Variants in CDH8 observed in about 807,000 individuals in gnomAD.
The protein encoded by CDH8 is cadherin 8.
Under a neutral mutation model 68.1 loss-of-function variants are expected in CDH8, and 17 were observed. The observed-to-expected ratio is 0.25, with a 90% CI of 0.17 to 0.37. CDH8 has a LOEUF of 0.37. Among genes scored for constraint, CDH8 ranks in the 10% least tolerant of loss-of-function variants. CDH8 has a pLI of 1.00. For synonymous variants in CDH8, 372 were observed against 365.1 expected (o/e 1.02, Z -0.21); for missense variants, 763 against 999.3 (o/e 0.76, Z 3.19).
intron 10 of CDH8, among the ~76,000 whole-genome samples, chr16:61,686,419 A>G (rs1331570321): frequency 2.0e-5 from 3 of 151,982 alleles, no homozygotes; most frequent in Admixed American, 1.3e-4. Context: ...TTGAAAATCC[A>G]CTTTCTCATT....
rs1206629963 is a variant in CDH8 at position 61,768,314 on chromosome 16, T to TTCTCTCTCTC, written c.1414+21022_1414+21031dup. ...AGGCTCTCTCTCTGTGTCTCTCCCT[T>TTCTCTCTCTC]TCTCTCTCTCTCTCTCTCTCTCTCT... On this transcript the variant is annotated intron_variant, in intron 8 of 11. Coordinates refer to ENST00000577390, the MANE Select transcript of CDH8 (RefSeq NM_001796.5). 3.5e-4 allele frequency among the ~76,000 whole-genome samples: 6 copies of TTCTCTCTCTC among 17,204 alleles called. 1 individual carries two copies. Among genetic ancestry groups the TTCTCTCTCTC allele is most frequent in the Non-Finnish European group, 4.5e-4 (4 of 8,968 alleles). The allele number at this position is 17,204 out of a possible 152,430, so 11.3% of individuals were successfully genotyped here. A position where few individuals can be genotyped will look rare whatever the true frequency, so the allele number is the denominator to read the frequency against.
intron 4 of CDH8, among the ~76,000 whole-genome samples, chr16:61,832,704 G>T (rs1487823567): frequency 6.6e-6 from 1 of 151,438 alleles, no homozygotes; most frequent in Non-Finnish European, 1.5e-5. Context: ...ATAATAACAA[G>T]AAAAATATTA....
intron 11 of CDH8, among the ~76,000 whole-genome samples, chr16:61,655,063 C>T (rs774066911): frequency 1.8e-4 from 28 of 152,120 alleles, no homozygotes; most frequent in Admixed American, 8.5e-4. Context: ...ATTTGGGATC[C>T]GATGGACTCA....
At chr16:61,724,415 G>A (rs1428029424) in intron 9 of CDH8, among the ~76,000 whole-genome samples, 7 of 150,518 alleles carry the variant, frequency 4.7e-5, no homozygotes, top group Non-Finnish European at 1.0e-4. Context: ...GTTGATACTC[G>A]TTTTCATTTT....
At chr16:61,822,883 C>T (rs1962247666) in intron 5 of CDH8, among the ~76,000 whole-genome samples, 1 of 151,944 alleles carries the variant, frequency 6.6e-6, no homozygotes, top group South Asian at 2.1e-4. Flanking sequence ...TTAACCATTC[C>T]TATTCTGTGC....
intron 8 of CDH8, among the ~76,000 whole-genome samples, chr16:61,741,161 G>A (rs1365650545): frequency 6.6e-6 from 1 of 151,970 alleles, no homozygotes; most frequent in Admixed American, 6.6e-5. Context: ...GATACTTAGG[G>A]CCTTTTCTTA....
At chr16:61,977,718 G>T (rs1965462053) in intron 2 of CDH8, among the ~76,000 whole-genome samples, 2 of 152,118 alleles carry the variant, frequency 1.3e-5, no homozygotes, top group Non-Finnish European at 2.9e-5. Flanking sequence ...GATCACGCCT[G>T]CCCATAGCAT....
intron 7 of CDH8, among the ~76,000 whole-genome samples, chr16:61,798,406 G>A (rs368285359): frequency 6.6e-6 from 1 of 152,076 alleles, no homozygotes; most frequent in African/African-American, 2.4e-5. Flanking sequence ...AACTTTATAT[G>A]GTAGCAGAAA....
intron 10 of CDH8, among the ~76,000 whole-genome samples, chr16:61,682,718 T>C (rs1964037358): frequency 6.6e-6 from 1 of 152,000 alleles, no homozygotes; most frequent in Non-Finnish European, 1.5e-5. Context: ...GAAATGCTTG[T>C]TCTGTCCAAG....
At chr16:61,979,634 T>C (rs1965497727) in intron 2 of CDH8, among the ~76,000 whole-genome samples, 1 of 151,666 alleles carries the variant, frequency 6.6e-6, no homozygotes, top group African/African-American at 2.4e-5. Context: ...TGAGTATGAT[T>C]TTGTTTTAGG....
chr16:61,718,344 T>C (rs754389744), intron 9 of CDH8, among the ~76,000 whole-genome samples: 1 of 151,414 alleles, frequency 6.6e-6, no homozygotes, highest in African/African-American at 2.4e-5. Flanking sequence ...TTGTAACTTT[T>C]GGAATATTTT....
intron 3 of CDH8, among the ~76,000 whole-genome samples, chr16:61,857,759 C>T (rs1216262590): frequency 6.6e-6 from 1 of 151,982 alleles, no homozygotes; most frequent in Non-Finnish European, 1.5e-5. Context: ...CATAATTAGG[C>T]ATAATGGATA....
chr16:61,716,890 C>G (rs1278476081), intron 9 of CDH8, among the ~76,000 whole-genome samples: 4 of 151,628 alleles, frequency 2.6e-5, no homozygotes, highest in Non-Finnish European at 4.4e-5. Flanking sequence ...CTAAAGTTTT[C>G]ATTGATGAAA....
At position 61,652,940 on chromosome 16, in the gene CDH8, C is replaced by G; in HGVS notation, c.*668G>C. The G allele has an allele frequency of 6.5e-7, 1 of 1,527,022 alleles. No homozygotes were observed. Among genetic ancestry groups the G allele is most frequent in the South Asian group, 1.2e-5 (1 of 81,766 alleles). 94.6% of individuals were successfully genotyped at this position (1,527,022 alleles called of 1,614,324 possible). On this transcript the variant is annotated 3_prime_UTR_variant, in exon 12 of 12. Transcript: ENST00000577390. ...TTTGAATGGGATTTCTCTCCTCCCACCACTGAATTGGCAAGCCCCACCCTG... is the reference window on the plus strand; with the variant it reads ...TTTGAATGGGATTTCTCTCCTCCCAGCACTGAATTGGCAAGCCCCACCCTG...
rs1301300928 is a variant in CDH8 at position 61,650,702 on chromosome 16, T to TGAGAGAGAGA, written c.*2905_*2906insTCTCTCTCTC. The TGAGAGAGAGA allele has an allele frequency of 3.3e-5, 3 of 92,254 alleles. No individual in the cohort carries two copies. Among genetic ancestry groups the TGAGAGAGAGA allele is most frequent in the African/African-American group, 1.5e-4 (3 of 19,980 alleles). The allele number at this position is 92,254 out of a possible 1,614,324, so 5.7% of individuals were successfully genotyped here. On this transcript the variant is annotated 3_prime_UTR_variant, in exon 12 of 12. Coordinates refer to ENST00000577390, the MANE Select transcript of CDH8 (RefSeq NM_001796.5). ...GTGTGTGTGTGTGTGTGTGTGTGTGTGTGTGAGAGAGAGAGAGAGAGAGAG... is the reference window on the plus strand; with the variant it reads ...GTGTGTGTGTGTGTGTGTGTGTGTGTGAGAGAGAGAGTGTGAGAGAGAGAGAGAGAGAGAG...
intron 10 of CDH8, among the ~76,000 whole-genome samples, chr16:61,699,097 A>T (rs1308635307): frequency 6.6e-6 from 1 of 152,114 alleles, no homozygotes; most frequent in African/African-American, 2.4e-5. Flanking sequence ...AAGCCCCACC[A>T]ACTTTGCTAT....
intron 4 of CDH8, among the ~76,000 whole-genome samples, chr16:61,837,275 T>A (rs1962588475): frequency 6.6e-6 from 1 of 152,058 alleles, no homozygotes; most frequent in Non-Finnish European, 1.5e-5. Flanking sequence ...TTGCTTATAA[T>A]CACCGGTTCT....
chr16:61,866,946 G>T (rs200953914), intron 3 of CDH8, among the ~76,000 whole-genome samples: 2 of 151,762 alleles, frequency 1.3e-5, no homozygotes, highest in Non-Finnish European at 2.9e-5. Flanking sequence ...CGTTTTTTTT[G>T]TCCCTCTAGA....
intron 8 of CDH8, among the ~76,000 whole-genome samples, chr16:61,782,123 TC>T (rs1322462284): frequency 6.6e-6 from 1 of 152,092 alleles, no homozygotes; most frequent in Non-Finnish European, 1.5e-5. Flanking sequence ...GGTCTACAGC[TC>T]CCAGCGTGAG....
Sources: gnomAD v4.1 joint callset for allele counts (sites outside exome capture counted in the v4.1 genomes callset) on GRCh38, gnomAD v4.1.1 for gene constraint, MANE v1.5 for transcripts, NCBI Gene and HGNC (gene_info 2026-07-23, HGNC 2026-07-21) for gene names.